The following NRXN3 variants were observed in gnomAD, a reference collection of about 807,000 sequenced individuals.
NRXN3 encodes neurexin III.
NRXN3 carries 32 observed loss-of-function variants against 137.6 expected under a neutral mutation model. The ratio of observed to expected loss-of-function variants is 0.23; its 90% CI spans 0.18 to 0.31. The LOEUF is 0.31. NRXN3 is among the 10% of genes least tolerant of loss of function. The pLI is 1.00. For synonymous variants in NRXN3, 798 were observed against 784.5 expected (o/e 1.02, Z -0.29); for missense variants, 1,574 against 2,062.5 (o/e 0.76, Z 4.59).
intron 4 of NRXN3, among the ~76,000 whole-genome samples, chr14:78,497,953 T>G (rs1252079142): frequency 6.6e-6 from 1 of 152,230 alleles, no homozygotes; most frequent in East Asian, 1.9e-4. Context: ...AGTTTGAGTT[T>G]GCATTCAATC....
At chr14:79,298,225 T>G (rs1026678753) in intron 15 of NRXN3, among the ~76,000 whole-genome samples, 2 of 152,118 alleles carry the variant, frequency 1.3e-5, no homozygotes, top group Admixed American at 1.3e-4. Flanking sequence ...TATAACTGGC[T>G]TATAATGACA....
intron 4 of NRXN3, among the ~76,000 whole-genome samples, chr14:78,504,565 T>C: frequency 6.6e-6 from 1 of 152,188 alleles, no homozygotes; most frequent in East Asian, 1.9e-4. Context: ...TCAGGAACTA[T>C]GTATTTTTCA....
At chr14:79,456,650 C>G (rs2096261817) in intron 15 of NRXN3, among the ~76,000 whole-genome samples, 1 of 151,860 alleles carries the variant, frequency 6.6e-6, no homozygotes, top group Non-Finnish European at 1.5e-5. Flanking sequence ...TCTCTTGAAC[C>G]TGGAGGCAGA....
intron 17 of NRXN3, among the ~76,000 whole-genome samples, chr14:79,682,853 C>A (rs2154015322): frequency 6.6e-6 from 1 of 152,218 alleles, no homozygotes; most frequent in African/African-American, 2.4e-5. Context: ...AGCATTTACT[C>A]TAAAGAGGGA....
intron 15 of NRXN3, among the ~76,000 whole-genome samples, chr14:79,303,496 T>C (rs945497327): frequency 7.2e-5 from 11 of 152,166 alleles, no homozygotes; most frequent in African/African-American, 2.6e-4. Flanking sequence ...CTTCTTTGCT[T>C]CTTGACATTT....
chr14:79,050,492 C>G (rs1392548294), intron 15 of NRXN3, among the ~76,000 whole-genome samples: 1 of 152,150 alleles, frequency 6.6e-6, no homozygotes, highest in Non-Finnish European at 1.5e-5. Context: ...ATATGCCATG[C>G]TGCACTTAAC....
chr14:79,293,409 A>G (rs1187424819), intron 15 of NRXN3, among the ~76,000 whole-genome samples: 2 of 152,138 alleles, frequency 1.3e-5, no homozygotes, highest in Non-Finnish European at 2.9e-5. Context: ...GCCCTTTTCA[A>G]TCAAGTTATT....
intron 15 of NRXN3, among the ~76,000 whole-genome samples, chr14:79,146,330 A>T (rs1873156410): frequency 6.6e-6 from 1 of 152,166 alleles, no homozygotes; most frequent in Admixed American, 6.5e-5. Flanking sequence ...AGTTGGTAAG[A>T]CAACACAACA....
At chr14:79,375,033 G>A (rs1044390874) in intron 15 of NRXN3, among the ~76,000 whole-genome samples, 1 of 152,092 alleles carries the variant, frequency 6.6e-6, no homozygotes, top group African/African-American at 2.4e-5. Flanking sequence ...GGCTATATAT[G>A]AAAAACAGTG....
At chr14:78,456,799 C>CTCTTTCTCTCTTTCTT (rs1555539844) in intron 4 of NRXN3, among the ~76,000 whole-genome samples, 5 of 97,690 alleles carry the variant, frequency 5.1e-5, no homozygotes, top group East Asian at 6.1e-4. Context: ...CTCTCTTTCT[C>CTCTTTCTCTCTTTCTT]TCTTTCTTTC....
At chr14:79,380,251 G>C (rs1009429839) in intron 15 of NRXN3, among the ~76,000 whole-genome samples, 24 of 149,896 alleles carry the variant, frequency 1.6e-4, no homozygotes, top group Admixed American at 4.7e-4. Flanking sequence ...CAGTGTGCAG[G>C]TTAGTTACAT....
In NRXN3 at chr14:79,467,419, G is replaced by C; in HGVS notation, c.3444+17G>C. On this transcript the variant is annotated intron_variant, in intron 16 of 20. Transcript: ENST00000335750. ...CTTCACATAGTGAGTACAGGGCCTT[G>C]GCCTGGATTTTCTTATGTTACTGGT... 6.4e-7 allele frequency: 1 copy of C among 1,565,112 alleles called. No individual in the cohort carries two copies. Among genetic ancestry groups the C allele is most frequent in the Non-Finnish European group, 8.7e-7 (1 of 1,145,856 alleles).
At chr14:78,630,371 A>G (rs568641838) in intron 4 of NRXN3, among the ~76,000 whole-genome samples, 2 of 152,320 alleles carry the variant, frequency 1.3e-5, no homozygotes, top group Non-Finnish European at 2.9e-5. Context: ...TATCCTTGCC[A>G]TCATTTTATA....
intron 4 of NRXN3, among the ~76,000 whole-genome samples, chr14:78,302,234 T>A (rs185720319): frequency 6.6e-6 from 1 of 152,234 alleles, no homozygotes; most frequent in Admixed American, 6.5e-5. Context: ...GTTTTGAGTG[T>A]TTTTTAGATT....
intron 8 of NRXN3, among the ~76,000 whole-genome samples, chr14:78,767,271 T>C (rs1039321873): frequency 2.6e-5 from 4 of 152,182 alleles, no homozygotes; most frequent in Admixed American, 1.3e-4. Flanking sequence ...GGCCTTTCCA[T>C]AGGTGTTTCA....
chr14:78,685,201 G>A (rs2098114762), intron 6 of NRXN3, among the ~76,000 whole-genome samples: 1 of 152,150 alleles, frequency 6.6e-6, no homozygotes, highest in Admixed American at 6.5e-5. Context: ...TCATTGCATT[G>A]GTGCAACAAC....
rs144035954 is a variant in NRXN3, at chr14:78,484,027, C to CAGAG, written c.758-161074_758-161071dup. Among the ~76,000 whole-genome samples, 155 of 137,146 alleles carry CAGAG rather than the reference C, an allele frequency of 1.1e-3. 1 individual carries two copies. Among genetic ancestry groups the CAGAG allele is most frequent in the African/African-American group, 4.3e-3 (150 of 34,518 alleles). 90.0% of individuals were successfully genotyped at this position (137,146 alleles called of 152,430 possible). ...ACACACACACACACACACACACACACAGAGAGAGAGAGAGAGAGAGAGCAA... is the reference window on the plus strand; with the variant it reads ...ACACACACACACACACACACACACACAGAGAGAGAGAGAGAGAGAGAGAGAGCAA... On this transcript the variant is annotated intron_variant, in intron 4 of 20. Transcript: ENST00000335750.
chr14:79,018,937 T>G (rs2099584265), intron 15 of NRXN3, among the ~76,000 whole-genome samples: 1 of 152,218 alleles, frequency 6.6e-6, no homozygotes, highest in Non-Finnish European at 1.5e-5. Context: ...TTTCTCTACT[T>G]ATTATCCTTC....
intron 15 of NRXN3, among the ~76,000 whole-genome samples, chr14:79,387,770 A>G (rs1311912021): frequency 2.6e-5 from 4 of 152,036 alleles, no homozygotes; most frequent in East Asian, 1.9e-4. Context: ...AATACTATGC[A>G]GCCATAAAAA....
Sources: allele counts gnomAD v4.1 joint callset (sites outside exome capture counted in the v4.1 genomes callset), GRCh38; gene constraint gnomAD v4.1.1; transcripts MANE v1.5; gene names NCBI Gene and HGNC (gene_info 2026-07-23, HGNC 2026-07-21).